Variants in PTPRR observed in about 807,000 individuals in gnomAD.
PTPRR encodes the protein receptor-type tyrosine-protein phosphatase R.
In PTPRR, 38 loss-of-function variants were observed where a neutral mutation model predicts 77.2. The observed-to-expected ratio is 0.49, with a 90% CI of 0.38 to 0.65. PTPRR has a LOEUF of 0.65. Among genes scored for constraint, PTPRR ranks in the 30% least tolerant of loss-of-function variants. The probability of loss-of-function intolerance (pLI) is 0.00; values close to 1 mark genes in which losing one functional copy is unlikely to be tolerated. For missense variants in PTPRR, 744 were observed against 799.2 expected (o/e 0.93, Z 0.83); for synonymous variants, 299 against 283.1 (o/e 1.06, Z -0.57).
intron 2 of PTPRR, among the ~76,000 whole-genome samples, chr12:70,862,735 TATA>T (rs1024507407): frequency 1.7e-4 from 25 of 143,652 alleles, no homozygotes; most frequent in Admixed American, 6.1e-4. Context: ...AAACTTAAAG[TATA>T]ATAATAATAA....
intron 2 of PTPRR, among the ~76,000 whole-genome samples, chr12:70,855,505 G>A (rs561945113): frequency 6.6e-6 from 1 of 152,244 alleles, no homozygotes; most frequent in Non-Finnish European, 1.5e-5. Context: ...TACTTGTCCT[G>A]TACATAGAAA....
chr12:70,756,844 G>A (rs143034048), intron 4 of PTPRR, among the ~76,000 whole-genome samples: 3 of 152,070 alleles, frequency 2.0e-5, no homozygotes, highest in Non-Finnish European at 2.9e-5. Context: ...TAGGAGAGAC[G>A]ATTCAGAGAT....
chr12:70,802,469 T>C (rs1031865383), intron 2 of PTPRR, among the ~76,000 whole-genome samples: 6 of 152,338 alleles, frequency 3.9e-5, no homozygotes, highest in Non-Finnish European at 7.4e-5. Flanking sequence ...CTTTAAATAA[T>C]AATGGCAATG....
intron 2 of PTPRR, among the ~76,000 whole-genome samples, chr12:70,875,241 A>G (rs553722056): frequency 6.6e-6 from 1 of 152,344 alleles, no homozygotes; most frequent in African/African-American, 2.4e-5. Flanking sequence ...TGTCTATAAT[A>G]TTAGACCACG....
At chr12:70,659,686 A>G (rs1390613523) in intron 12 of PTPRR, among the ~76,000 whole-genome samples, 2 of 152,156 alleles carry the variant, frequency 1.3e-5, no homozygotes, top group African/African-American at 2.4e-5. Flanking sequence ...AGTTTAGGAT[A>G]AAGCCAGTAT....
At chr12:70,901,289 G>T (rs1174871292) in intron 1 of PTPRR, among the ~76,000 whole-genome samples, 1 of 151,486 alleles carries the variant, frequency 6.6e-6, no homozygotes, top group East Asian at 1.9e-4. Flanking sequence ...AATTGTCAAA[G>T]AGATGCCTGC....
intron 13 of PTPRR, among the ~76,000 whole-genome samples, chr12:70,647,041 G>A (rs1886225306): frequency 6.6e-6 from 1 of 152,102 alleles, no homozygotes; most frequent in Admixed American, 6.5e-5. Context: ...TTTATCCTGT[G>A]TGGGAAGCCA....
chr12:70,686,988 T>C (rs2203231), intron 8 of PTPRR, among the ~76,000 whole-genome samples: 129,670 of 152,160 alleles, frequency 0.85, 55,667 homozygotes, highest in South Asian at 0.92. Context: ...TCTGGAGTGA[T>C]ATCATGATCA....
intron 9 of PTPRR, 85 bp downstream of exon 9, chr12:70,684,619 C>G: frequency 1.0e-6 from 1 of 963,006 alleles, no homozygotes; most frequent in Non-Finnish European, 1.6e-6. Context: ...TTAAACCAAG[C>G]TTAATCTACT....
intron 2 of PTPRR, among the ~76,000 whole-genome samples, chr12:70,837,630 G>C (rs960794655): frequency 6.6e-6 from 1 of 152,052 alleles, no homozygotes; most frequent in Non-Finnish European, 1.5e-5. Flanking sequence ...GCAGTGCTGA[G>C]GTTTCATGCC....
chr12:70,701,153 AGTAAAT>A lies in PTPRR; in HGVS notation c.1172_1177del (p.His391_Leu392del). On this transcript the variant is annotated inframe_deletion, in exon 7 of 14. Coordinates refer to ENST00000283228, the MANE Select transcript of PTPRR (RefSeq NM_002849.4). ...AAGGCTCACCATGAATTCACTTTGG[AGTAAAT>A]GTGAACTTGCCACGACGTCCCTCAG... is the stretch of plus-strand genomic sequence containing the variant. The A allele has an allele frequency of 6.2e-7, 1 of 1,613,864 alleles. No homozygotes were observed. The highest frequency in any genetic ancestry group is 8.5e-7 in the Non-Finnish European group (1 of 1,179,888).
chr12:70,723,306 A>C (rs1230496022), intron 6 of PTPRR, among the ~76,000 whole-genome samples: 1 of 152,142 alleles, frequency 6.6e-6, no homozygotes, highest in Middle Eastern at 3.2e-3. Flanking sequence ...TTGCAACCCT[A>C]AGCAGAAAAG....
chr12:70,690,396 A>G (rs1888015220), intron 8 of PTPRR, among the ~76,000 whole-genome samples: 1 of 152,218 alleles, frequency 6.6e-6, no homozygotes, highest in Non-Finnish European at 1.5e-5. Flanking sequence ...ATATATTCAG[A>G]AGTCAAATTC....
chr12:70,733,485 A>G (rs1294332018), intron 6 of PTPRR, among the ~76,000 whole-genome samples: 8 of 126,046 alleles, frequency 6.3e-5, no homozygotes, highest in South Asian at 2.8e-4. Flanking sequence ...AAAAAAAGAA[A>G]AAAAAAGAAA....
intron 1 of PTPRR, among the ~76,000 whole-genome samples, chr12:70,915,720 T>C (rs1214355941): frequency 2.0e-5 from 3 of 152,124 alleles, no homozygotes; most frequent in African/African-American, 7.2e-5. Flanking sequence ...CAAAATCTGT[T>C]AGAGATAGTG....
At chr12:70,794,691 G>A (rs921535778) in intron 2 of PTPRR, among the ~76,000 whole-genome samples, 2 of 152,182 alleles carry the variant, frequency 1.3e-5, no homozygotes, top group Non-Finnish European at 2.9e-5. Context: ...CAATACACAT[G>A]GGTCCTCAAT....
chr12:70,901,723 G>A (rs927652504), intron 1 of PTPRR, among the ~76,000 whole-genome samples: 3 of 151,560 alleles, frequency 2.0e-5, no homozygotes, highest in Admixed American at 2.0e-4. Flanking sequence ...TAACCCAAAA[G>A]CAAATGCAAT....
chr12:70,801,923 C>G (rs371346354), intron 2 of PTPRR, among the ~76,000 whole-genome samples: 2 of 152,166 alleles, frequency 1.3e-5, no homozygotes, highest in African/African-American at 4.8e-5. Flanking sequence ...ATCCTCCTTA[C>G]AGAAGGTTTT....
At chr12:70,668,694 A>G (rs1373854936) in intron 10 of PTPRR, among the ~76,000 whole-genome samples, 2 of 152,186 alleles carry the variant, frequency 1.3e-5, no homozygotes, top group Non-Finnish European at 2.9e-5. Flanking sequence ...TTACATATCT[A>G]TTGAGTAGCC....
Sources: gnomAD v4.1 joint callset for allele counts (sites outside exome capture counted in the v4.1 genomes callset) on GRCh38, gnomAD v4.1.1 for gene constraint, MANE v1.5 for transcripts, NCBI Gene and HGNC (gene_info 2026-07-23, HGNC 2026-07-21) for gene names.